CLVS2: variants seen among roughly 807,000 people sequenced by gnomAD.
The protein encoded by CLVS2 is clavesin 2, also known as clavesin-2.
CLVS2 carries 19 observed loss-of-function variants against 29.0 expected under a neutral mutation model. The observed-to-expected ratio is 0.66, with a 90% CI of 0.46 to 0.96. The LOEUF is 0.96. CLVS2 is among the 40% of genes least tolerant of loss of function. The pLI, the probability that CLVS2 is intolerant of heterozygous loss-of-function variation, is 0.00. For missense variants in CLVS2, 294 were observed against 404.1 expected (o/e 0.73, Z 2.34); for synonymous variants, 161 against 151.3 (o/e 1.06, Z -0.47).
chr6:123,021,629 CAT>C (rs1419184924), intron 3 of CLVS2, among the ~76,000 whole-genome samples: 1 of 151,924 alleles, frequency 6.6e-6, no homozygotes, highest in Non-Finnish European at 1.5e-5. Context: ...AAAGAGATCC[CAT>C]ATATGTCTTT....
intron 2 of CLVS2, among the ~76,000 whole-genome samples, chr6:123,006,935 G>A (rs184078321): frequency 5.0e-4 from 76 of 152,248 alleles, no homozygotes; most frequent in Non-Finnish European, 9.7e-4. Context: ...AACCAAAGAT[G>A]AAAGATAATA....
rs1195938438 is a variant in CLVS2, at chr6:123,068,183, C to G, written c.*4422C>G. On this transcript the variant is annotated 3_prime_UTR_variant, in exon 6 of 6. Coordinates refer to ENST00000275162, the MANE Select transcript of CLVS2 (RefSeq NM_001010852.4). ...TTGTGGATTGAAACACTCAAATTAG[C>G]CTTTTTTTCAAGGAAGCAGGTGTAC... The G allele has an allele frequency of 1.3e-5, 2 of 150,936 alleles. No individual in the cohort carries two copies. The highest frequency in any genetic ancestry group is 3.9e-4 in the East Asian group (2 of 5,120). 9.3% of individuals were successfully genotyped at this position (150,936 alleles called of 1,614,324 possible). A position where few individuals can be genotyped will look rare whatever the true frequency, so the allele number is the denominator to read the frequency against.
chr6:123,061,229 G>A (rs770909588), intron 5 of CLVS2, among the ~76,000 whole-genome samples: 40 of 151,996 alleles, frequency 2.6e-4, no homozygotes, highest in Non-Finnish European at 5.6e-4. Flanking sequence ...CCCGGGAGGC[G>A]GAGGTTGCGG....
chr6:123,055,456 G>A (rs1772680759), intron 4 of CLVS2, among the ~76,000 whole-genome samples: 1 of 152,128 alleles, frequency 6.6e-6, no homozygotes, highest in Non-Finnish European at 1.5e-5. Context: ...CATCAAGTTT[G>A]CACAACTAAC....
intron 3 of CLVS2, among the ~76,000 whole-genome samples, chr6:123,023,285 G>A (rs912327795): frequency 6.6e-6 from 1 of 152,032 alleles, no homozygotes; most frequent in African/African-American, 2.4e-5. Flanking sequence ...ACTTGAGGCT[G>A]CTGCAGAAGT....
chr6:123,036,232 G>A (rs1338794335), intron 3 of CLVS2, among the ~76,000 whole-genome samples: 3 of 152,242 alleles, frequency 2.0e-5, no homozygotes, highest in South Asian at 2.1e-4. Context: ...GGAGGACTTT[G>A]TAGCAATGTA....
Position 123,069,703 on chromosome 6 carries a change from T to C in CLVS2, c.*5942T>C, listed in dbSNP as rs1772913157. 1 of 151,728 alleles carries C rather than the reference T, an allele frequency of 6.6e-6. No homozygotes were observed. Among genetic ancestry groups the C allele is most frequent in the Non-Finnish European group, 1.5e-5 (1 of 67,838 alleles). The allele number at this position is 151,728 out of a possible 1,614,324, so 9.4% of individuals were successfully genotyped here. On this transcript the variant is annotated 3_prime_UTR_variant, in exon 6 of 6. Coordinates refer to ENST00000275162, the MANE Select transcript of CLVS2 (RefSeq NM_001010852.4). ...AAAGCCAGAGATATTGTCTCCACTC[T>C]CGTTACAAAAAAGTGCGTTCCTTCT... is the stretch of plus-strand genomic sequence containing the variant.
intron 1 of CLVS2, 54 bp from the exon 2 acceptor site, chr6:122,997,165 A>G (rs1185927650): frequency 4.8e-5 from 8 of 167,092 alleles, no homozygotes. Flanking sequence ...ACAGGGAGAA[A>G]TAATCTCCTT....
At chr6:123,012,416 G>A (rs928982957) in intron 3 of CLVS2, among the ~76,000 whole-genome samples, 2 of 151,600 alleles carry the variant, frequency 1.3e-5, no homozygotes, top group African/African-American at 4.8e-5. Context: ...TATTTAACCT[G>A]TGTCTTCTCT....
intron 3 of CLVS2, among the ~76,000 whole-genome samples, chr6:123,020,081 C>A (rs1435643770): frequency 6.6e-6 from 1 of 152,056 alleles, no homozygotes; most frequent in Non-Finnish European, 1.5e-5. Flanking sequence ...ATCCCAAACA[C>A]CCTCACAGAC....
At chr6:123,048,873 T>A in intron 4 of CLVS2, 141 bp downstream of exon 4, 1 of 586,380 alleles carries the variant, frequency 1.7e-6, no homozygotes, top group Non-Finnish European at 2.9e-6. Context: ...TTAAGATTCT[T>A]CCAGATTTTG....
chr6:123,051,087 T>A (rs1772603430), intron 4 of CLVS2, among the ~76,000 whole-genome samples: 1 of 152,164 alleles, frequency 6.6e-6, no homozygotes, highest in Non-Finnish European at 1.5e-5. Context: ...GCTATTAAAT[T>A]TCTTCACTGA....
At chr6:123,017,088 ATGTGTGTGTGTG>A (rs61643251) in intron 3 of CLVS2, among the ~76,000 whole-genome samples, 4 of 149,086 alleles carry the variant, frequency 2.7e-5, no homozygotes, top group African/African-American at 7.4e-5. Flanking sequence ...GCATGTGTGT[ATGTGTGTGTGTG>A]TGTGTGTGTG....
At chr6:123,039,240 G>A (rs577650318) in intron 3 of CLVS2, among the ~76,000 whole-genome samples, 1 of 152,258 alleles carries the variant, frequency 6.6e-6, no homozygotes, top group Middle Eastern at 3.4e-3. Flanking sequence ...GTTATCTAAA[G>A]TAGCTTGAAA....
chr6:123,022,398 T>C (rs1208323510), intron 3 of CLVS2, among the ~76,000 whole-genome samples: 1 of 151,996 alleles, frequency 6.6e-6, no homozygotes, highest in Non-Finnish European at 1.5e-5. Flanking sequence ...CATGTTGACT[T>C]GGAAGCTCCT....
chr6:123,004,070 C>T lies in CLVS2; in HGVS notation c.389+5904C>T, dbSNP rs145442607. 9.9e-5 allele frequency among the ~76,000 whole-genome samples: 15 copies of T among 151,962 alleles called. No individual in the cohort carries two copies. The East Asian group carries it at 1.5e-3, about 16-fold the overall frequency. On this transcript the variant is annotated intron_variant, in intron 2 of 5. Transcript: ENST00000275162. Reference sequence around the variant, plus strand: ...ATTCCATCTATGGTTTAGAAAATCTCGATTAAATATAACAAAACAGGCAAT... The same window carrying T: ...ATTCCATCTATGGTTTAGAAAATCTTGATTAAATATAACAAAACAGGCAAT...
At chr6:123,027,961 T>A (rs559591334) in intron 3 of CLVS2, among the ~76,000 whole-genome samples, 2 of 152,216 alleles carry the variant, frequency 1.3e-5, no homozygotes, top group Non-Finnish European at 2.9e-5. Flanking sequence ...TAGCACAATA[T>A]CTTACATGAA....
rs901486224 is a variant in CLVS2, at chr6:123,071,367, A to C, written c.*7606A>C. 2 of 151,974 alleles carry C rather than the reference A, an allele frequency of 1.3e-5. No individual in the cohort carries two copies. Among genetic ancestry groups the C allele is most frequent in the East Asian group, 3.9e-4 (2 of 5,184 alleles). 9.4% of individuals were successfully genotyped at this position (151,974 alleles called of 1,614,324 possible). ...CAAAAATGATATCCTCTTCTCCCCAATTGTGATCTCTATCCCTGAGCCTAA... is the reference window on the plus strand; with the variant it reads ...CAAAAATGATATCCTCTTCTCCCCACTTGTGATCTCTATCCCTGAGCCTAA... On this transcript the variant is annotated 3_prime_UTR_variant, in exon 6 of 6. Coordinates refer to ENST00000275162, the MANE Select transcript of CLVS2 (RefSeq NM_001010852.4).
At chr6:123,021,299 T>A (rs752621439) in intron 3 of CLVS2, among the ~76,000 whole-genome samples, 5 of 152,084 alleles carry the variant, frequency 3.3e-5, no homozygotes, top group Non-Finnish European at 7.4e-5. Context: ...CAAGTTCTTA[T>A]TACTTTGTAG....
Sources: gnomAD v4.1 joint callset for allele counts (sites outside exome capture counted in the v4.1 genomes callset) on GRCh38, gnomAD v4.1.1 for gene constraint, MANE v1.5 for transcripts, NCBI Gene and HGNC (gene_info 2026-07-23, HGNC 2026-07-21) for gene names.